The following UST variants were observed in gnomAD, a reference collection of about 807,000 sequenced individuals.
UST encodes uronyl 2-sulfotransferase.
A neutral mutation model predicts 45.6 loss-of-function variants in UST; 21 were observed. The ratio of observed to expected loss-of-function variants is 0.46; its 90% CI spans 0.33 to 0.66. The LOEUF (loss-of-function observed/expected upper bound fraction) is 0.66, where lower values mean the gene tolerates loss of function less well. UST is among the 30% of genes least tolerant of loss of function. The pLI, the probability that UST is intolerant of heterozygous loss-of-function variation, is 0.02. For missense variants in UST, 463 were observed against 512.4 expected (o/e 0.90, Z 0.93); for synonymous variants, 215 against 200.6 (o/e 1.07, Z -0.61).
intron 7 of UST, among the ~76,000 whole-genome samples, chr6:149,068,001 T>G: frequency 6.6e-6 from 1 of 152,182 alleles, no homozygotes; most frequent in East Asian, 1.9e-4. Flanking sequence ...TCACTGACTC[T>G]GAGTATTGGA....
intron 3 of UST, among the ~76,000 whole-genome samples, 183 bp from the exon 4 acceptor site, chr6:148,953,689 G>C (rs1399379288): frequency 1.3e-5 from 2 of 150,798 alleles, no homozygotes; most frequent in Non-Finnish European, 2.9e-5. Flanking sequence ...GGAGAATGGC[G>C]TGAACCCGGG....
At chr6:149,001,972 TAAAA>T (rs555918880) in intron 5 of UST, among the ~76,000 whole-genome samples, 1 of 152,084 alleles carries the variant, frequency 6.6e-6, no homozygotes, top group Non-Finnish European at 1.5e-5. Context: ...GTTTGAATGT[TAAAA>T]AAAATTTAAT....
intron 2 of UST, among the ~76,000 whole-genome samples, chr6:148,936,573 C>CTTTTTTT (rs138494669): frequency 1.2e-5 from 1 of 85,336 alleles, no homozygotes; most frequent in Non-Finnish European, 2.2e-5. Context: ...AAAATCAGTC[C>CTTTTTTT]TTTTTTTTTT....
chr6:148,870,686 T>A (rs995284566), intron 1 of UST, among the ~76,000 whole-genome samples: 1 of 152,132 alleles, frequency 6.6e-6, no homozygotes. Flanking sequence ...ATGCATTTAC[T>A]CCGGTCTTCT....
At chr6:148,835,157 A>C (rs35756809) in intron 1 of UST, among the ~76,000 whole-genome samples, 1 of 152,118 alleles carries the variant, frequency 6.6e-6, no homozygotes, top group Admixed American at 6.5e-5. Context: ...TAATAATATA[A>C]CAATAAAAAT....
chr6:148,747,832 C>T (rs1308428698), intron 1 of UST, among the ~76,000 whole-genome samples, 155 bp downstream of exon 1: 1 of 152,086 alleles, frequency 6.6e-6, no homozygotes, highest in African/African-American at 2.4e-5. Flanking sequence ...GTGCCGCGGT[C>T]GGGAGCGCCT....
chr6:148,888,635 C>T (rs909517187), intron 2 of UST, among the ~76,000 whole-genome samples: 1 of 152,074 alleles, frequency 6.6e-6, no homozygotes, highest in African/African-American at 2.4e-5. Flanking sequence ...CACTGACATG[C>T]GATAAACATT....
chr6:148,868,542 T>C (rs921732466), intron 1 of UST, among the ~76,000 whole-genome samples: 1 of 152,192 alleles, frequency 6.6e-6, no homozygotes, highest in African/African-American at 2.4e-5. Flanking sequence ...AGAAGGGATT[T>C]CCCAACTCAT....
chr6:148,787,582 G>A (rs1427471130), intron 1 of UST, among the ~76,000 whole-genome samples: 2 of 152,130 alleles, frequency 1.3e-5, no homozygotes, highest in African/African-American at 4.8e-5. Context: ...TGCTGTTTTG[G>A]TTACTGTAGC....
At chr6:148,935,791 A>G (rs555439706) in intron 2 of UST, among the ~76,000 whole-genome samples, 2 of 152,274 alleles carry the variant, frequency 1.3e-5, no homozygotes, top group Admixed American at 1.3e-4. Flanking sequence ...TTCTTCTCCA[A>G]TTAGCTGCGT....
chr6:148,853,907 C>T (rs1453255927), intron 1 of UST, among the ~76,000 whole-genome samples: 2 of 152,168 alleles, frequency 1.3e-5, no homozygotes, highest in South Asian at 2.1e-4. Flanking sequence ...CCCCTGCATA[C>T]CCAAAATACT....
rs1454398514 is a variant in UST, at chr6:149,076,189, A to G, written c.*2073A>G. 1 of 152,262 alleles carries G rather than the reference A, an allele frequency of 6.6e-6. No individual in the cohort carries two copies. The highest frequency in any genetic ancestry group is 6.5e-5 in the Admixed American group (1 of 15,284). The allele number at this position is 152,262 out of a possible 1,614,324, so 9.4% of individuals were successfully genotyped here. On this transcript the variant is annotated 3_prime_UTR_variant, in exon 8 of 8. Coordinates refer to ENST00000367463, the MANE Select transcript of UST (RefSeq NM_005715.3). ...AGACCAGGGCCCTACCATTAGGCATACTTTCAGAAGCAACCTGGAGAACAG... is the reference window on the plus strand; with the variant it reads ...AGACCAGGGCCCTACCATTAGGCATGCTTTCAGAAGCAACCTGGAGAACAG...
chr6:149,044,330 T>G (rs1776366738), intron 7 of UST, among the ~76,000 whole-genome samples: 1 of 152,192 alleles, frequency 6.6e-6, no homozygotes, highest in South Asian at 2.1e-4. Flanking sequence ...AAAAAAAAAC[T>G]CTTGTCAGTG....
intron 1 of UST, among the ~76,000 whole-genome samples, chr6:148,834,297 T>TA (rs1412994727): frequency 6.6e-6 from 1 of 152,244 alleles, no homozygotes; most frequent in Non-Finnish European, 1.5e-5. Flanking sequence ...AGTTACATCT[T>TA]ACAGGAAAAC....
chr6:149,061,266 G>T (rs1196806890), intron 7 of UST, among the ~76,000 whole-genome samples: 1 of 152,194 alleles, frequency 6.6e-6, no homozygotes, highest in Non-Finnish European at 1.5e-5. Flanking sequence ...ATGAAGAGAG[G>T]TGGGAAGTGG....
chr6:149,058,030 A>G (rs983151489), intron 7 of UST, among the ~76,000 whole-genome samples: 1 of 152,210 alleles, frequency 6.6e-6, no homozygotes, highest in African/African-American at 2.4e-5. Context: ...ACAATCAGAA[A>G]AATAAATGTT....
intron 7 of UST, among the ~76,000 whole-genome samples, chr6:149,034,794 T>A (rs1013097638): frequency 6.6e-6 from 1 of 151,424 alleles, no homozygotes; most frequent in Admixed American, 6.6e-5. Context: ...AGTATTCTAC[T>A]CTAACTTGAT....
intron 4 of UST, among the ~76,000 whole-genome samples, chr6:148,958,309 T>C (rs1308582438): frequency 6.6e-6 from 1 of 152,194 alleles, no homozygotes; most frequent in African/African-American, 2.4e-5. Context: ...TCAGGTGTTT[T>C]GCCTCAGGGA....
At chr6:149,039,611 C>T (rs1020737458) in intron 7 of UST, among the ~76,000 whole-genome samples, 22 of 152,304 alleles carry the variant, frequency 1.4e-4, no homozygotes, top group African/African-American at 4.8e-4. Flanking sequence ...CTCAGGGTCT[C>T]ATAGCTGGTG....
Sources: gnomAD v4.1 joint callset for allele counts (sites outside exome capture counted in the v4.1 genomes callset) on GRCh38, gnomAD v4.1.1 for gene constraint, MANE v1.5 for transcripts, NCBI Gene and HGNC (gene_info 2026-07-23, HGNC 2026-07-21) for gene names.